The following JAM3 variants were observed in gnomAD, a reference collection of about 807,000 sequenced individuals.
JAM3 encodes junctional adhesion molecule C.
A neutral mutation model predicts 39.4 loss-of-function variants in JAM3; 31 were observed. The ratio of observed to expected loss-of-function variants is 0.79; its 90% CI spans 0.59 to 1.06. The LOEUF is 1.06. Ranked by LOEUF, JAM3 falls within the 50% of genes least tolerant of loss-of-function variation. The pLI is 0.00. For missense variants in JAM3, 455 were observed against 391.4 expected (o/e 1.16, Z -1.37); for synonymous variants, 182 against 148.7 (o/e 1.22, Z -1.63).
chr11:134,102,839 C>T lies in JAM3; in HGVS notation c.76+33680C>T, dbSNP rs553447775. 1.4e-3 allele frequency among the ~76,000 whole-genome samples: 215 copies of T among 152,268 alleles called. 9 individuals carry two copies. The South Asian group carries it at 0.041, about 29-fold the overall frequency. On this transcript the variant is annotated intron_variant, in intron 1 of 8. Transcript: ENST00000299106. The stretch of plus-strand genomic sequence containing the variant: ...AAAAAGTAAAAAGAAACAAACACAA[C>T]CTCCAAGAAATATGGGACTATGTGA...
chr11:134,120,108 A>C lies in JAM3; in HGVS notation c.77-19743A>C, dbSNP rs192468071. 2.9e-4 allele frequency among the ~76,000 whole-genome samples: 44 copies of C among 151,060 alleles called. No homozygotes were observed. The East Asian group carries it at 8.6e-3, about 30-fold the overall frequency. On this transcript the variant is annotated intron_variant, in intron 1 of 8. Coordinates refer to ENST00000299106, the MANE Select transcript of JAM3 (RefSeq NM_032801.5). ...GGTGAAGGAACTAAGACATTGCTGC[A>C]AAGATGCTATTTTATGGGATATATT... is the stretch of plus-strand genomic sequence containing the variant.
At chr11:134,133,505 G>T (rs1178791327) in intron 1 of JAM3, among the ~76,000 whole-genome samples, 1 of 152,130 alleles carries the variant, frequency 6.6e-6, no homozygotes, top group African/African-American at 2.4e-5. Flanking sequence ...ATCTTGAAAG[G>T]ATTGTTGCAT....
At chr11:134,126,799 C>G (rs950599297) in intron 1 of JAM3, among the ~76,000 whole-genome samples, 2 of 152,224 alleles carry the variant, frequency 1.3e-5, no homozygotes, top group Admixed American at 6.5e-5. Flanking sequence ...TGTCTAAACT[C>G]TGAATCCTAA....
intron 1 of JAM3, among the ~76,000 whole-genome samples, chr11:134,124,582 CA>C (rs978376830): frequency 2.0e-5 from 3 of 152,028 alleles, no homozygotes; most frequent in African/African-American, 7.2e-5. Flanking sequence ...CTTCGGACTC[CA>C]AAAAAATCCA....
Position 134,141,748 on chromosome 11 carries a change from G to C in JAM3, c.256+978G>C, listed in dbSNP as rs1365885756. On this transcript the variant is annotated intron_variant, in intron 3 of 8. Transcript: ENST00000299106. Reference sequence around the variant, plus strand: ...CTCGAGGGGAGGCCTGCTGGGGCTTGGCTGTGCCAAGGGGCACAGAGGGAG... The same window carrying C: ...CTCGAGGGGAGGCCTGCTGGGGCTTCGCTGTGCCAAGGGGCACAGAGGGAG... Among the ~76,000 whole-genome samples, 3 of 152,090 alleles carry C rather than the reference G, an allele frequency of 2.0e-5. No homozygotes were observed. The East Asian group carries it at 5.8e-4, about 30-fold the overall frequency.
chr11:134,148,903 G>T, intron 8 of JAM3, 85 bp downstream of exon 8: 1 of 1,392,948 alleles, frequency 7.2e-7, no homozygotes, highest in Non-Finnish European at 1.0e-6. Context: ...GGTCTCCTGG[G>T]AAGATTTCTG....
chr11:134,124,608 C>G (rs990253141), intron 1 of JAM3, among the ~76,000 whole-genome samples: 1 of 152,188 alleles, frequency 6.6e-6, no homozygotes, highest in Non-Finnish European at 1.5e-5. Flanking sequence ...CATAAGCAGC[C>G]TTTACTACAT....
chr11:134,148,279 G>A, intron 6 of JAM3: 2 of 507,290 alleles, frequency 3.9e-6, no homozygotes, highest in South Asian at 2.1e-5. Flanking sequence ...AGCCTACAGT[G>A]CCAAGCCCAC....
At chr11:134,095,586 G>A (rs998164731) in intron 1 of JAM3, among the ~76,000 whole-genome samples, 4 of 151,320 alleles carry the variant, frequency 2.6e-5, no homozygotes, top group Non-Finnish European at 5.9e-5. Flanking sequence ...AGCCGAGATC[G>A]CGCCACTGCA....
At chr11:134,118,661 CT>C (rs1469322380) in intron 1 of JAM3, among the ~76,000 whole-genome samples, 2 of 152,150 alleles carry the variant, frequency 1.3e-5, no homozygotes, top group African/African-American at 2.4e-5. Flanking sequence ...ACCACTCCTT[CT>C]TTGATATTTT....
At position 134,123,388 on chromosome 11, in the gene JAM3, C is replaced by A. The variant is rs756345761; in HGVS notation, c.77-16463C>A. On this transcript the variant is annotated intron_variant, in intron 1 of 8. Transcript: ENST00000299106. ...AAAAATACACCACCACCCCCCCCCC[C>A]CCAAAAAAGGGAAAAAGATCCCACC... Among the ~76,000 whole-genome samples the A allele has an allele frequency of 5.9e-4, 89 of 152,076 alleles. 1 individual carries two copies. Among genetic ancestry groups the A allele is most frequent in the African/African-American group, 2.0e-3 (84 of 41,498 alleles).
rs548300310 is a variant in JAM3, at chr11:134,092,374, C to T, written c.76+23215C>T. 6.0e-3 allele frequency among the ~76,000 whole-genome samples: 519 copies of T among 85,920 alleles called. 7 individuals are homozygous for T. The highest frequency in any genetic ancestry group is 0.024 in the African/African-American group (500 of 20,482). The allele number at this position is 85,920 out of a possible 152,430, so 56.4% of individuals were successfully genotyped here. A position where few individuals can be genotyped will look rare whatever the true frequency, so the allele number is the denominator to read the frequency against. ...TCATGTTCCACCTTAAACGTCACTT[C>T]CTGAGGGAAGCTTCTCCTGAACCCT... On this transcript the variant is annotated intron_variant, in intron 1 of 8. Coordinates refer to ENST00000299106, the MANE Select transcript of JAM3 (RefSeq NM_032801.5).
intron 3 of JAM3, among the ~76,000 whole-genome samples, chr11:134,142,395 G>A (rs1430883853): frequency 2.6e-5 from 4 of 152,150 alleles, no homozygotes; most frequent in African/African-American, 7.2e-5. Flanking sequence ...CTTCCCATTC[G>A]AAAATGTTGT....
chr11:134,148,015 G>A (rs1591810345), intron 6 of JAM3: 2 of 182,980 alleles, frequency 1.1e-5, no homozygotes, highest in East Asian at 2.8e-4. Flanking sequence ...TTTCCTCTCA[G>A]AGGGCTTATA....
intron 1 of JAM3, among the ~76,000 whole-genome samples, chr11:134,121,605 C>T (rs1942533475): frequency 6.6e-6 from 1 of 151,984 alleles, no homozygotes; most frequent in Non-Finnish European, 1.5e-5. Context: ...CTTCAGCTAG[C>T]AATACTTCAT....
At chr11:134,087,800 T>G (rs961990335) in intron 1 of JAM3, among the ~76,000 whole-genome samples, 1 of 152,208 alleles carries the variant, frequency 6.6e-6, no homozygotes, top group African/African-American at 2.4e-5. Context: ...CGCATGGACA[T>G]ATAGGTTCTA....
At chr11:134,118,498 A>G (rs573389329) in intron 1 of JAM3, among the ~76,000 whole-genome samples, 142 of 152,126 alleles carry the variant, frequency 9.3e-4, no homozygotes, top group African/African-American at 3.3e-3. Context: ...GCACCACTAC[A>G]ATGGAAGTGG....
chr11:134,109,080 C>T (rs993675111), intron 1 of JAM3, among the ~76,000 whole-genome samples: 5 of 152,138 alleles, frequency 3.3e-5, no homozygotes, highest in Admixed American at 2.6e-4. Flanking sequence ...CCTTAGCCTC[C>T]CGTGTAGCTG....
In JAM3 at chr11:134,139,883, A is replaced by G. The variant is rs1942943031; in HGVS notation, c.109A>G (p.Ser37Gly). The G allele has an allele frequency of 6.2e-7, 1 of 1,614,112 alleles. No individual in the cohort carries two copies. The highest frequency in any genetic ancestry group is 8.5e-7 in the Non-Finnish European group (1 of 1,179,944). The change falls in exon 2 of 9, where the codon AGC (serine) becomes GGC (glycine). Residue 37 changes from serine to glycine, a missense_variant. Coordinates refer to ENST00000299106, the MANE Select transcript of JAM3 (RefSeq NM_032801.5). ...GATAGGGGCTGTAAATCTCAAATCC[A>G]GCAATCGAACCCCAGTGGTACAGGA... ...CLIGAVNLKS[S>G]NRTPVVQEFE...
Sources: gnomAD v4.1 joint callset for allele counts (sites outside exome capture counted in the v4.1 genomes callset) on GRCh38, gnomAD v4.1.1 for gene constraint, MANE v1.5 for transcripts, NCBI Gene and HGNC (gene_info 2026-07-23, HGNC 2026-07-21) for gene names.